UNC79: variants seen among roughly 807,000 people sequenced by gnomAD.
UNC79 encodes unc-79 subunit of NALCN channel complex.
A neutral mutation model predicts 283.1 loss-of-function variants in UNC79; 37 were observed. The observed-to-expected ratio is 0.13, with a 90% CI of 0.10 to 0.17. UNC79 has a LOEUF of 0.17. Ranked by LOEUF, UNC79 falls within the 10% of genes least tolerant of loss-of-function variation. UNC79 has a pLI of 1.00. For missense variants in UNC79, 2,272 were observed against 3,211.1 expected (o/e 0.71, Z 7.07); for synonymous variants, 1,107 against 1,200.2 (o/e 0.92, Z 1.61).
chr14:93,700,163 C>A (rs2075424327), intron 47 of UNC79, among the ~76,000 whole-genome samples: 1 of 139,968 alleles, frequency 7.1e-6, no homozygotes. Flanking sequence ...TCATTCTTAT[C>A]TTTTTTGTCT....
chr14:93,673,431 T>C (rs1188594059), exon 41 of UNC79: 7 of 1,613,226 alleles, frequency 4.3e-6, no homozygotes, highest in Non-Finnish European at 5.1e-6. Context: ...CTTTACCAGA[T>C]ACAAACCTTC....
intron 47 of UNC79, among the ~76,000 whole-genome samples, chr14:93,700,572 C>A (rs1035403871): frequency 6.6e-6 from 1 of 151,812 alleles, no homozygotes; most frequent in Non-Finnish European, 1.5e-5. Flanking sequence ...TTATTGTATT[C>A]TTGACATTGT....
At chr14:93,598,572 A>C (rs985349942) in intron 24 of UNC79, among the ~76,000 whole-genome samples, 5 of 152,132 alleles carry the variant, frequency 3.3e-5, no homozygotes, top group African/African-American at 1.2e-4. Context: ...CCCAGGCTGG[A>C]GTGCAGTGGT....
chr14:93,480,460 A>G (rs536744892), intron 4 of UNC79, among the ~76,000 whole-genome samples: 7 of 152,064 alleles, frequency 4.6e-5, no homozygotes, highest in Non-Finnish European at 7.4e-5. Context: ...TCATGTGTTT[A>G]TTTTGTTGCT....
intron 27 of UNC79, among the ~76,000 whole-genome samples, chr14:93,614,630 G>A (rs2066560834): frequency 7.0e-6 from 1 of 143,764 alleles, no homozygotes; most frequent in Admixed American, 6.9e-5. Flanking sequence ...CTGTTTGTGT[G>A]TGTTTAAAAA....
At position 93,415,764 on chromosome 14, in the gene UNC79, G is replaced by A. The variant is rs1406355824; in HGVS notation, c.-350-51907G>A. Among the ~76,000 whole-genome samples the A allele has an allele frequency of 4.7e-5, 7 of 150,502 alleles. No individual in the cohort carries two copies. In the South Asian group the frequency reaches 6.3e-4, roughly 14 times the overall value. On this transcript the variant is annotated intron_variant, in intron 1 of 49. Coordinates refer to the UNC79 transcript ENST00000256339. Reference sequence around the variant, plus strand: ...TTAGTCTTGGGAGGGTGTATGTGTCGAGGAATTTATCCATTTCTTCTAGAT... The same window carrying A: ...TTAGTCTTGGGAGGGTGTATGTGTCAAGGAATTTATCCATTTCTTCTAGAT...
At chr14:93,607,792 A>G (rs1031306101) in intron 26 of UNC79, among the ~76,000 whole-genome samples, 7 of 152,204 alleles carry the variant, frequency 4.6e-5, no homozygotes, top group African/African-American at 1.4e-4. Context: ...GTTAGGATCA[A>G]TAAAGCACTC....
intron 1 of UNC79, among the ~76,000 whole-genome samples, chr14:93,413,030 TA>T (rs1181888597): frequency 7.2e-5 from 11 of 152,164 alleles, no homozygotes; most frequent in Non-Finnish European, 2.9e-5. Context: ...AGACAACTCT[TA>T]TTTTTTTTAT....
intron 14 of UNC79, among the ~76,000 whole-genome samples, chr14:93,569,405 C>T (rs1011342855): frequency 3.9e-5 from 6 of 152,002 alleles, no homozygotes; most frequent in African/African-American, 1.2e-4. Flanking sequence ...CCATTGCACT[C>T]CAGCCTGGGT....
At chr14:93,671,482 A>G (rs915793536) in intron 40 of UNC79, among the ~76,000 whole-genome samples, 2 of 152,118 alleles carry the variant, frequency 1.3e-5, no homozygotes, top group African/African-American at 4.8e-5. Context: ...GTAAAAAAAC[A>G]AAAAACAGGG....
intron 1 of UNC79, among the ~76,000 whole-genome samples, chr14:93,461,276 T>C (rs1033269889): frequency 6.6e-6 from 1 of 152,186 alleles, no homozygotes. Context: ...CTGTTAAAAA[T>C]TTTTAGTGAC....
intron 19 of UNC79, among the ~76,000 whole-genome samples, chr14:93,581,466 C>T (rs1042746043): frequency 6.6e-5 from 10 of 150,612 alleles, no homozygotes; most frequent in Non-Finnish European, 2.9e-5. Flanking sequence ...AACCACCACA[C>T]CTGGCCAGTA....
rs1393225082 is a variant in UNC79, at chr14:93,600,565, C to T, written c.3373-4C>T. 2 of 1,591,570 alleles carry T rather than the reference C, an allele frequency of 1.3e-6. No homozygotes were observed. The highest frequency in any genetic ancestry group is 1.7e-6 in the Non-Finnish European group (2 of 1,172,418). On this transcript the variant is annotated splice_polypyrimidine_tract_variant and splice_region_variant and intron_variant, in intron 24 of 48. Coordinates refer to ENST00000555664, the Ensembl canonical transcript of UNC79. ...TTCTTTTTTTTTTTCCTCCTCTTTCCCAGGGTCTATGTCTTTGTCTTGACT... is the reference window on the plus strand; with the variant it reads ...TTCTTTTTTTTTTTCCTCCTCTTTCTCAGGGTCTATGTCTTTGTCTTGACT...
At chr14:93,494,453 A>G (rs766535775) in intron 5 of UNC79, among the ~76,000 whole-genome samples, 2 of 152,188 alleles carry the variant, frequency 1.3e-5, no homozygotes, top group Non-Finnish European at 2.9e-5. Context: ...AGATCTTGAG[A>G]TCTGTTTCAG....
At chr14:93,618,074 C>G (rs1286033278) in intron 28 of UNC79, 118 bp from the exon 30 acceptor site, 70 of 1,083,366 alleles carry the variant, frequency 6.5e-5, no homozygotes, top group Non-Finnish European at 8.7e-5. Flanking sequence ...TTCTCTCTCT[C>G]TCTCATATAT....
intron 47 of UNC79, among the ~76,000 whole-genome samples, chr14:93,702,895 C>G (rs544891969): frequency 2.0e-5 from 3 of 152,366 alleles, no homozygotes; most frequent in Admixed American, 1.3e-4. Flanking sequence ...CCTCCATTCC[C>G]TGCCTCCTTC....
chr14:93,695,812 A>AC (rs148302966), intron 47 of UNC79, among the ~76,000 whole-genome samples: 3,662 of 146,376 alleles, frequency 0.025, 112 homozygotes, highest in African/African-American at 0.075. Flanking sequence ...TAATCGCTTA[A>AC]CCCGGAAGGT....
intron 15 of UNC79, among the ~76,000 whole-genome samples, chr14:93,572,306 A>T (rs927031860): frequency 2.6e-4 from 39 of 152,254 alleles, no homozygotes; most frequent in African/African-American, 9.2e-4. Context: ...GTGGAATAGT[A>T]AATAGATAAA....
At chr14:93,527,006 A>T (rs1320729249) in intron 8 of UNC79, among the ~76,000 whole-genome samples, 1 of 152,240 alleles carries the variant, frequency 6.6e-6, no homozygotes, top group African/African-American at 2.4e-5. Context: ...TACCAAATAG[A>T]AAAATATTAT....
Sources: gnomAD v4.1 joint callset for allele counts (sites outside exome capture counted in the v4.1 genomes callset) on GRCh38, gnomAD v4.1.1 for gene constraint, MANE v1.5 for transcripts, NCBI Gene and HGNC (gene_info 2026-07-23, HGNC 2026-07-21) for gene names.